CFAP54: variants seen among roughly 807,000 people sequenced by gnomAD.
The protein encoded by CFAP54 is cilia- and flagella-associated protein 54.
A neutral mutation model predicts 370.4 loss-of-function variants in CFAP54; 290 were observed. That is an observed-to-expected ratio of 0.78 (90% CI 0.71 to 0.86). CFAP54 has a LOEUF of 0.86. Among genes scored for constraint, CFAP54 ranks in the 40% least tolerant of loss-of-function variants. The pLI, the probability that CFAP54 is intolerant of heterozygous loss-of-function variation, is 0.00. For synonymous variants in CFAP54, 1,206 were observed against 1,236.5 expected (o/e 0.98, Z 0.52); for missense variants, 3,399 against 3,528.7 (o/e 0.96, Z 0.93).
At chr12:96,688,895 T>C (rs769017491) in intron 42 of CFAP54, 21 bp from the exon 43 acceptor site, 15 of 1,470,584 alleles carry the variant, frequency 1.0e-5, no homozygotes, top group Non-Finnish European at 1.3e-5. Flanking sequence ...TAATCAATTT[T>C]TTTTTCTTAT....
intron 1 of CFAP54, among the ~76,000 whole-genome samples, chr12:96,496,179 T>C (rs1393549210): frequency 2.0e-5 from 3 of 152,236 alleles, no homozygotes; most frequent in Non-Finnish European, 4.4e-5. Flanking sequence ...GAGGAATGCA[T>C]TGTCTCCTTC....
At chr12:96,546,035 A>G (rs1176621355) in intron 14 of CFAP54, among the ~76,000 whole-genome samples, 1 of 152,238 alleles carries the variant, frequency 6.6e-6, no homozygotes, top group East Asian at 1.9e-4. Flanking sequence ...TTGCAAATTA[A>G]TCAGACCCAG....
rs1318006828 is a variant in CFAP54 at position 96,817,897 on chromosome 12, T to C, written c.9080T>C (p.Val3027Ala). ...GAAGTAGAAGTGGAAGAGGAATCAG[T>C]TGATAATGAAATGGAAGTAAGTTGT... ...IYEVEVEEES[V>A]DNEMEDMIIQ... is the part of the protein sequence containing the mutation. Residue 3027 changes from valine (V) to alanine (A), a missense_variant, in exon 65 of 68, where the codon GTT becomes GCT. By Grantham distance (64) the Val-to-Ala change is moderately conservative. This residue lies in a region of CFAP54 where 2,796 missense variants were observed against 2,869.7 expected (regional missense o/e 0.97). Transcript: ENST00000524981. 6.8e-7 allele frequency: 1 copy of C among 1,480,714 alleles called. No individual in the cohort carries two copies. The allele number at this position is 1,480,714 out of a possible 1,614,324, so 91.7% of individuals were successfully genotyped here.
chr12:96,621,875 G>GTTTGTT (rs1956496257), intron 27 of CFAP54, among the ~76,000 whole-genome samples, 154 bp downstream of exon 27: 92 of 49,970 alleles, frequency 1.8e-3, no homozygotes, highest in South Asian at 3.6e-3. Context: ...TTTTGGGTTT[G>GTTTGTT]TTTTTTTTTT....
chr12:96,653,332 G>A (rs7139067), intron 36 of CFAP54, among the ~76,000 whole-genome samples: 120,345 of 152,156 alleles, frequency 0.79, 47,770 homozygotes, highest in East Asian at 0.86. Context: ...GAAACAGAGC[G>A]TAAGTGCACA....
At chr12:96,802,691 C>A (rs1407418107) in intron 63 of CFAP54, among the ~76,000 whole-genome samples, 8 of 152,118 alleles carry the variant, frequency 5.3e-5, no homozygotes. Context: ...GCAGAACATG[C>A]AGGTTTGTTA....
intron 43 of CFAP54, among the ~76,000 whole-genome samples, chr12:96,689,840 G>A (rs896688556): frequency 2.6e-5 from 4 of 152,144 alleles, no homozygotes; most frequent in African/African-American, 9.7e-5. Flanking sequence ...TATTTACTTT[G>A]AAGGATGGGC....
At chr12:96,733,340 T>C (rs1173726496) in intron 50 of CFAP54, among the ~76,000 whole-genome samples, 1 of 152,176 alleles carries the variant, frequency 6.6e-6, no homozygotes, top group Non-Finnish European at 1.5e-5. Flanking sequence ...GCTTGACATT[T>C]CATGATACTT....
intron 26 of CFAP54, among the ~76,000 whole-genome samples, chr12:96,601,170 C>T (rs560176219): frequency 3.9e-5 from 6 of 152,166 alleles, no homozygotes; most frequent in Admixed American, 2.6e-4. Context: ...ACATGAAGGG[C>T]TGTTGAATTT....
chr12:96,664,622 A>ATGTGTGTGTGTGTGTG (rs55839375), intron 39 of CFAP54, among the ~76,000 whole-genome samples: 1 of 115,204 alleles, frequency 8.7e-6, no homozygotes, highest in African/African-American at 3.6e-5. Flanking sequence ...CCAAGAACGT[A>ATGTGTGTGTGTGTGTG]TGTGTGTGTG....
chr12:96,551,303 C>T (rs1393440440), intron 15 of CFAP54, among the ~76,000 whole-genome samples: 2 of 152,066 alleles, frequency 1.3e-5, no homozygotes, highest in Non-Finnish European at 2.9e-5. Context: ...AAAAACCCGC[C>T]TCTGCCTATG....
intron 26 of CFAP54, among the ~76,000 whole-genome samples, chr12:96,610,737 T>C (rs1826205881): frequency 6.6e-6 from 1 of 152,176 alleles, no homozygotes; most frequent in South Asian, 2.1e-4. Flanking sequence ...ACCAGGAGAT[T>C]ATATCCCGCG....
At chr12:96,627,059 G>A in intron 30 of CFAP54, 120 bp downstream of exon 30, 1 of 574,526 alleles carries the variant, frequency 1.7e-6, no homozygotes. Context: ...TAAAACCACT[G>A]CCTAAGAGAT....
At chr12:96,677,724 A>G (rs2136544499) in intron 39 of CFAP54, among the ~76,000 whole-genome samples, 1 of 152,318 alleles carries the variant, frequency 6.6e-6, no homozygotes, top group South Asian at 2.1e-4. Flanking sequence ...AATGTGTGAT[A>G]GGGAATTGTG....
At chr12:96,746,745 C>T (rs376761065) in intron 55 of CFAP54, among the ~76,000 whole-genome samples, 3 of 152,138 alleles carry the variant, frequency 2.0e-5, no homozygotes, top group South Asian at 4.1e-4. Flanking sequence ...GTGATGCATG[C>T]GGTGCTGCAT....
rs79022302 is a variant in CFAP54, at chr12:96,653,732, A to G, written c.5100+1917A>G. 1.5e-3 allele frequency among the ~76,000 whole-genome samples: 222 copies of G among 152,080 alleles called. 3 individuals are homozygous for G. In the East Asian group the frequency reaches 0.04, roughly 27 times the overall value. On this transcript the variant is annotated intron_variant, in intron 36 of 67. Coordinates refer to ENST00000524981, the MANE Select transcript of CFAP54 (RefSeq NM_001306084.2). ...AGCAAATTAAATCTAAACTAAAGAG[A>G]AGAAAGGAAATAATAAAAAGAAATA...
chr12:96,794,823 A>G (rs1958741942), intron 63 of CFAP54, among the ~76,000 whole-genome samples: 1 of 152,102 alleles, frequency 6.6e-6, no homozygotes, highest in African/African-American at 2.4e-5. Context: ...TTGTTTTGTC[A>G]TATTACCAGA....
At chr12:96,692,599 T>C (rs1592711387) in intron 44 of CFAP54, among the ~76,000 whole-genome samples, 2 of 152,232 alleles carry the variant, frequency 1.3e-5, no homozygotes, top group South Asian at 4.1e-4. Flanking sequence ...GGCATAGTTA[T>C]AGAAAAATGT....
chr12:96,555,481 T>A (rs11108581), intron 17 of CFAP54, among the ~76,000 whole-genome samples: 1 of 150,868 alleles, frequency 6.6e-6, no homozygotes, highest in Admixed American at 6.6e-5. Context: ...GAAACAAAAC[T>A]GTTCTTTCCA....
Sources: allele counts gnomAD v4.1 joint callset (sites outside exome capture counted in the v4.1 genomes callset), GRCh38; gene constraint gnomAD v4.1.1; regional missense constraint gnomAD v4.1.1; transcripts MANE v1.5; gene names NCBI Gene and HGNC (gene_info 2026-07-23, HGNC 2026-07-21).